Variants in FAM78A observed in about 807,000 individuals in gnomAD.
FAM78A encodes family with sequence similarity 78 member A.
In FAM78A, 12 loss-of-function variants were observed where a neutral mutation model predicts 22.6. The ratio of observed to expected loss-of-function variants is 0.53; its 90% CI spans 0.34 to 0.86. The LOEUF (loss-of-function observed/expected upper bound fraction) is 0.86. Among genes scored for constraint, FAM78A ranks in the 40% least tolerant of loss-of-function variants. The probability of loss-of-function intolerance (pLI) is 0.02; values close to 1 mark genes in which losing one functional copy is unlikely to be tolerated. For missense variants in FAM78A, 322 were observed against 396.1 expected (o/e 0.81, Z 1.59); for synonymous variants, 151 against 155.8 (o/e 0.97, Z 0.23).
Position 131,260,837 on chromosome 9 carries a change from C to T in FAM78A, c.837G>A (p.Pro279=), listed in dbSNP as rs200909332. ...GTCCTGGCTGTCACCGGTGCTTGGG[C>T]GGGATCACCACCAGCGGCTGCCCGT... is the stretch of plus-strand genomic sequence containing the variant. ...PKYGQPLVVI[P]PKHR The change falls in exon 2 of 2, where the codon CCG becomes CCA. Residue 279 remains proline, a synonymous_variant. Coordinates refer to ENST00000372271, the MANE Select transcript of FAM78A (RefSeq NM_033387.4). The surrounding 1 kb of genome is among the most constrained non-coding windows in gnomAD (Gnocchi z 5.4). 7.7e-5 allele frequency: 117 copies of T among 1,518,556 alleles called. No homozygotes were observed. Among genetic ancestry groups the T allele is most frequent in the Non-Finnish European group, 9.3e-5 (105 of 1,133,560 alleles). The allele number at this position is 1,518,556 out of a possible 1,614,324, so 94.1% of individuals were successfully genotyped here.
chr9:131,273,508 A>C (rs1021075322), intron 1 of FAM78A, among the ~76,000 whole-genome samples: 2 of 152,258 alleles, frequency 1.3e-5, no homozygotes, highest in African/African-American at 4.8e-5. Context: ...AGGGGCAGAG[A>C]GAGAACAAGG....
Position 131,261,152 on chromosome 9 carries a change from C to G in FAM78A, c.522G>C (p.Glu174Asp), listed in dbSNP as rs1286253983. ...TATTGGTGAGCTTGGCCACGTTGCTCTCGCTGACGGGCACGGCCCATGTGA... is the reference window on the plus strand; with the variant it reads ...TATTGGTGAGCTTGGCCACGTTGCTGTCGCTGACGGGCACGGCCCATGTGA... Reference protein sequence around the residue: ...PSVTWAVPVSESNVAKLTNIY... With the variant: ...PSVTWAVPVSDSNVAKLTNIY... The change falls in exon 2 of 2, where the codon GAG (glutamate) becomes GAC (aspartate). Residue 174 changes from glutamate (E) to aspartate (D), a missense_variant. Transcript: ENST00000372271. This position sits in a 1 kb window ranked among gnomAD's most constrained non-coding sequence, Gnocchi z 7.1. 6.2e-7 allele frequency: 1 copy of G among 1,614,080 alleles called. No individual in the cohort carries two copies. The highest frequency in any genetic ancestry group is 1.7e-5 in the Admixed American group (1 of 60,006).
upstream of FAM78A, among the ~76,000 whole-genome samples, chr9:131,277,290 C>T (rs865885833): frequency 6.6e-5 from 10 of 151,924 alleles, no homozygotes; most frequent in South Asian, 2.1e-3. This position sits in a 1 kb window ranked among gnomAD's most constrained non-coding sequence, Gnocchi z 8.4. Flanking sequence ...GCGCCAGGTG[C>T]CCCTTCCCCA....
At chr9:131,270,702 T>C (rs1835408103) in intron 1 of FAM78A, among the ~76,000 whole-genome samples, 1 of 152,126 alleles carries the variant, frequency 6.6e-6, no homozygotes, top group Non-Finnish European at 1.5e-5. Flanking sequence ...CCTCAATTGT[T>C]CTTTGCACAA....
chr9:131,276,489 CT>C lies in FAM78A; in HGVS notation c.-311del. 1 of 241,266 alleles carries C rather than the reference CT, an allele frequency of 4.1e-6. No individual in the cohort carries two copies. The highest frequency in any genetic ancestry group is 5.3e-5 in the Admixed American group (1 of 19,012). 14.9% of individuals were successfully genotyped at this position (241,266 alleles called of 1,614,324 possible). On this transcript the variant is annotated 5_prime_UTR_variant, in exon 1 of 2. Transcript: ENST00000372271. This position sits in a 1 kb window ranked among gnomAD's most constrained non-coding sequence, Gnocchi z 4.3. ...ACACGCGGGGACGGCAGCTCGCAGACTCTCCCTGAAGTCTTCGGAGGAAGCA... is the reference window on the plus strand; with the variant it reads ...ACACGCGGGGACGGCAGCTCGCAGACCTCCCTGAAGTCTTCGGAGGAAGCA...
At chr9:131,270,032 T>TAA (rs1435340970) in intron 1 of FAM78A, among the ~76,000 whole-genome samples, 8 of 34,086 alleles carry the variant, frequency 2.3e-4, no homozygotes, top group African/African-American at 5.6e-4. Flanking sequence ...CCATCCCTAC[T>TAA]AAAATAAAAA....
At chr9:131,271,563 C>A (rs1436018600) in intron 1 of FAM78A, among the ~76,000 whole-genome samples, 2 of 152,210 alleles carry the variant, frequency 1.3e-5, no homozygotes, top group South Asian at 2.1e-4. Context: ...GGAGTTCACA[C>A]CCTGCCATAC....
At chr9:131,266,485 A>T (rs531014137) in intron 1 of FAM78A, among the ~76,000 whole-genome samples, 1 of 147,872 alleles carries the variant, frequency 6.8e-6, no homozygotes, top group African/African-American at 2.5e-5. Context: ...CCTCATCCTC[A>T]TCCTCCTCCT....
intron 1 of FAM78A, among the ~76,000 whole-genome samples, chr9:131,267,215 C>G (rs1835356584): frequency 6.6e-6 from 1 of 152,200 alleles, no homozygotes; most frequent in South Asian, 2.1e-4. Flanking sequence ...TCACCTCAGC[C>G]TCGCAAGCTG....
chr9:131,276,803 G>A (rs908614130), upstream of FAM78A, among the ~76,000 whole-genome samples: 6 of 150,232 alleles, frequency 4.0e-5, no homozygotes, highest in African/African-American at 1.5e-4. This position sits in a 1 kb window ranked among gnomAD's most constrained non-coding sequence, Gnocchi z 4.3. Context: ...GGTCCCCGTC[G>A]GCGCCCACTC....
chr9:131,261,443 G>A lies in FAM78A; in HGVS notation c.324-93C>T, dbSNP rs1835268336. On this transcript the variant is annotated intron_variant, in intron 1 of 1. Coordinates refer to ENST00000372271, the MANE Select transcript of FAM78A (RefSeq NM_033387.4). The surrounding 1 kb of genome is among the most constrained non-coding windows in gnomAD (Gnocchi z 7.1). ...GGCCAGGGGCTGTCCTGGGCCCTGA[G>A]GATGGAACGGACCCAGCAGACCACC... 2 of 1,281,150 alleles carry A rather than the reference G, an allele frequency of 1.6e-6. No individual in the cohort carries two copies. The highest frequency in any genetic ancestry group is 2.5e-5 in the East Asian group (1 of 39,534). 79.4% of individuals were successfully genotyped at this position (1,281,150 alleles called of 1,614,324 possible).
Position 131,272,908 on chromosome 9 carries a change from G to A in FAM78A, c.323+2949C>T, listed in dbSNP as rs10793991. ...ATTGGCACCATTGCACTCCAGCCTG[G>A]GCGACAAGAATAAGACTCTGTCTCA... On this transcript the variant is annotated intron_variant, in intron 1 of 1. Transcript: ENST00000372271. The surrounding 1 kb of genome is among the most constrained non-coding windows in gnomAD (Gnocchi z 4.1). Among the ~76,000 whole-genome samples, 51,925 of 151,764 alleles carry A rather than the reference G, an allele frequency of 0.34. 9,700 individuals carry two copies. The highest frequency in any genetic ancestry group is 0.52 in the East Asian group (2,683 of 5,170).
At chr9:131,270,037 TAAAAA>T (rs1008374603) in intron 1 of FAM78A, among the ~76,000 whole-genome samples, 10 of 85,624 alleles carry the variant, frequency 1.2e-4, no homozygotes, top group East Asian at 7.8e-4. Context: ...CCTACTAAAA[TAAAAA>T]AAAAAAAAAA....
upstream of FAM78A, among the ~76,000 whole-genome samples, chr9:131,277,138 C>A (rs547235956): frequency 2.0e-3 from 310 of 151,250 alleles, 3 homozygotes; most frequent in African/African-American, 7.0e-3. The surrounding 1 kb of genome is among the most constrained non-coding windows in gnomAD (Gnocchi z 8.4). Flanking sequence ...GGCGGCCGCA[C>A]GACCGCGCGC....
intron 1 of FAM78A, chr9:131,270,465 C>A: frequency 2.8e-6 from 2 of 717,114 alleles, no homozygotes; most frequent in South Asian, 3.0e-5. Context: ...CTCACTTGGT[C>A]TCCAATGTTT....
In FAM78A at chr9:131,261,471, GTCCCCTTTGACGT is replaced by G; in HGVS notation, c.324-134_324-122del. On this transcript the variant is annotated intron_variant, in intron 1 of 1. Coordinates refer to ENST00000372271, the MANE Select transcript of FAM78A (RefSeq NM_033387.4). This position sits in a 1 kb window ranked among gnomAD's most constrained non-coding sequence, Gnocchi z 7.1. ...TGGAACGGACCCAGCAGACCACCCG[GTCCCCTTTGACGT>G]TCTGGGGGCAGGGGGTCAGACAGTA... The G allele has an allele frequency of 2.1e-6, 2 of 936,508 alleles. No homozygotes were observed. Among genetic ancestry groups the G allele is most frequent in the Middle Eastern group, 3.2e-4 (1 of 3,108 alleles). 58.0% of individuals were successfully genotyped at this position (936,508 alleles called of 1,614,324 possible).
At chr9:131,278,126 G>A (rs1333072695), upstream of FAM78A, among the ~76,000 whole-genome samples, 1 of 140,936 alleles carries the variant, frequency 7.1e-6, no homozygotes, top group African/African-American at 2.5e-5. Flanking sequence ...CACACAGCCC[G>A]CCCTCCCCCT....
chr9:131,264,753 T>C, intron 1 of FAM78A: 1 of 611,200 alleles, frequency 1.6e-6, no homozygotes, highest in Non-Finnish European at 2.9e-6. Context: ...AGACAGAGTC[T>C]CACTCTGTCA....
chr9:131,268,207 T>C (rs1835368861), intron 1 of FAM78A, among the ~76,000 whole-genome samples: 1 of 152,204 alleles, frequency 6.6e-6, no homozygotes, highest in Non-Finnish European at 1.5e-5. Flanking sequence ...TTTTATAATC[T>C]GATAAAATTT....
Sources: gnomAD v4.1 joint callset for allele counts (sites outside exome capture counted in the v4.1 genomes callset) on GRCh38, gnomAD v4.1.1 for gene constraint, Gnocchi (gnomAD v3.1) non-coding constraint, MANE v1.5 for transcripts, NCBI Gene and HGNC (gene_info 2026-07-23, HGNC 2026-07-21) for gene names.